Variants in NTNG1 observed in about 807,000 individuals in gnomAD.
NTNG1 encodes netrin-G1.
Under a neutral mutation model 54.0 loss-of-function variants are expected in NTNG1, and 16 were observed. That is an observed-to-expected ratio of 0.30 (90% CI 0.20 to 0.45). The LOEUF is 0.45. NTNG1 is among the 20% of genes least tolerant of loss of function. The probability of loss-of-function intolerance (pLI) is 1.00; values close to 1 mark genes in which losing one functional copy is unlikely to be tolerated. For synonymous variants in NTNG1, 255 were observed against 263.1 expected (o/e 0.97, Z 0.30); for missense variants, 530 against 678.7 (o/e 0.78, Z 2.43).
rs919258544 is a variant in NTNG1 at position 107,203,848 on chromosome 1, C to T, written c.246+55009C>T. The stretch of plus-strand genomic sequence containing the variant: ...TTTATGTATTTTAAAATATCTTTAT[C>T]TTTTTGCATTGCATTTTAGGTGAAT... On this transcript the variant is annotated intron_variant, in intron 2 of 7. Transcript: ENST00000370068. Among the ~76,000 whole-genome samples, 3 of 151,598 alleles carry T rather than the reference C, an allele frequency of 2.0e-5. No individual in the cohort carries two copies. The South Asian group carries it at 6.3e-4, about 32-fold the overall frequency.
chr1:107,294,481 C>T (rs182578961), intron 2 of NTNG1, among the ~76,000 whole-genome samples: 1 of 152,270 alleles, frequency 6.6e-6, no homozygotes, highest in East Asian at 1.9e-4. Flanking sequence ...AGCAAATTAC[C>T]TCCTTCCTTT....
intron 2 of NTNG1, among the ~76,000 whole-genome samples, chr1:107,288,960 C>T (rs936948570): frequency 6.6e-6 from 1 of 152,058 alleles, no homozygotes; most frequent in African/African-American, 2.4e-5. Context: ...ACACAAGAAA[C>T]CTCGCCTTAA....
intron 2 of NTNG1, among the ~76,000 whole-genome samples, chr1:107,295,410 T>A (rs1295251323): frequency 1.3e-5 from 2 of 152,186 alleles, no homozygotes; most frequent in Admixed American, 6.5e-5. Context: ...TCAAATAACC[T>A]TGCTGTTTGT....
chr1:107,419,154 T>C (rs1410661335), intron 5 of NTNG1, among the ~76,000 whole-genome samples: 1 of 151,738 alleles, frequency 6.6e-6, no homozygotes, highest in Non-Finnish European at 1.5e-5. Context: ...TCCTTTTTCC[T>C]GTCTTCCTCC....
rs373578785 is a variant in NTNG1 at position 107,459,533 on chromosome 1, G to GA, written c.1391-21069dup. Among the ~76,000 whole-genome samples, 393 of 150,596 alleles carry GA rather than the reference G, an allele frequency of 2.6e-3. 3 individuals are homozygous for GA. Among genetic ancestry groups the GA allele is most frequent in the East Asian group, 0.019 (97 of 5,148 alleles). ...GGTAAAAAATAAAAAGTTGCCAAAA[G>GA]AAAAAAAAATGTATTTTCAATTCAA... is the stretch of plus-strand genomic sequence containing the variant. On this transcript the variant is annotated intron_variant, in intron 7 of 7. Transcript: ENST00000370068.
chr1:107,459,954 C>G (rs1294804982), intron 7 of NTNG1, among the ~76,000 whole-genome samples: 1 of 152,156 alleles, frequency 6.6e-6, no homozygotes, highest in African/African-American at 2.4e-5. Context: ...TCAGGGAGAG[C>G]AAATGAACTT....
chr1:107,282,405 T>C lies in NTNG1; in HGVS notation c.247-41877T>C, dbSNP rs190673490. Among the ~76,000 whole-genome samples the C allele has an allele frequency of 5.3e-5, 8 of 152,248 alleles. No individual in the cohort carries two copies. In the East Asian group the frequency reaches 1.5e-3, roughly 29 times the overall value. On this transcript the variant is annotated intron_variant, in intron 2 of 7. Coordinates refer to ENST00000370068, the MANE Select transcript of NTNG1 (RefSeq NM_001113226.3). ...TTGCTAGTGAGGTGGGTAGTGAATT[T>C]ACTATATCAATATTTGTCTGCTATC...
chr1:107,473,014 C>A (rs1678081813), intron 7 of NTNG1, among the ~76,000 whole-genome samples: 1 of 152,090 alleles, frequency 6.6e-6, no homozygotes, highest in East Asian at 1.9e-4. Flanking sequence ...TTGTTATTAG[C>A]CTGTTTGGTG....
At chr1:107,245,594 A>G (rs180997872) in intron 2 of NTNG1, among the ~76,000 whole-genome samples, 1 of 152,304 alleles carries the variant, frequency 6.6e-6, no homozygotes, top group African/African-American at 2.4e-5. Context: ...TTTGTAATCA[A>G]TACTGTTTTC....
chr1:107,396,172 C>G (rs905293377), intron 4 of NTNG1, among the ~76,000 whole-genome samples: 10 of 152,106 alleles, frequency 6.6e-5, no homozygotes, highest in African/African-American at 2.4e-4. Flanking sequence ...TAGAATGTCC[C>G]CATTCAGTGA....
At chr1:107,239,601 C>G (rs1196807360) in intron 2 of NTNG1, among the ~76,000 whole-genome samples, 1 of 152,154 alleles carries the variant, frequency 6.6e-6, no homozygotes, top group Non-Finnish European at 1.5e-5. Context: ...GACCAAAATC[C>G]AAACATTGAG....
intron 2 of NTNG1, among the ~76,000 whole-genome samples, chr1:107,207,241 C>T (rs1219749814): frequency 6.6e-6 from 1 of 152,176 alleles, no homozygotes; most frequent in African/African-American, 2.4e-5. Context: ...TGAGGAAACA[C>T]TCTTCCTGGC....
chr1:107,210,297 A>C (rs535983715), intron 2 of NTNG1, among the ~76,000 whole-genome samples: 1 of 152,316 alleles, frequency 6.6e-6, no homozygotes, highest in Admixed American at 6.5e-5. Context: ...TGGAACAAAA[A>C]CAAAGCAAGG....
chr1:107,141,551 G>T (rs907289252), intron 1 of NTNG1: 14 of 147,614 alleles, frequency 9.5e-5, no homozygotes, highest in African/African-American at 3.2e-4. Context: ...GCCGCCCCCC[G>T]CCCCACCCGC....
intron 7 of NTNG1, among the ~76,000 whole-genome samples, chr1:107,454,596 G>A (rs1391951059): frequency 6.6e-6 from 1 of 150,812 alleles, no homozygotes; most frequent in East Asian, 1.9e-4. Context: ...CAAAAATTTA[G>A]ATAAATAAAC....
intron 5 of NTNG1, among the ~76,000 whole-genome samples, chr1:107,428,497 T>TC (rs2101306718): frequency 6.6e-6 from 1 of 152,244 alleles, no homozygotes; most frequent in South Asian, 2.1e-4. Context: ...CAAAGCTCTA[T>TC]TAATTAAATT....
chr1:107,373,894 G>A (rs550909966), intron 3 of NTNG1, among the ~76,000 whole-genome samples: 1 of 151,860 alleles, frequency 6.6e-6, no homozygotes, highest in Admixed American at 6.6e-5. Context: ...TAAAGACAGG[G>A]TCTTGCTTTT....
chr1:107,389,393 G>C (rs866230532), intron 3 of NTNG1, among the ~76,000 whole-genome samples: 1 of 151,918 alleles, frequency 6.6e-6, no homozygotes, highest in Non-Finnish European at 1.5e-5. Flanking sequence ...CAGATAACAG[G>C]CTTCCCAGAA....
chr1:107,385,373 G>C (rs1671898758), intron 3 of NTNG1, among the ~76,000 whole-genome samples: 1 of 152,068 alleles, frequency 6.6e-6, no homozygotes, highest in South Asian at 2.1e-4. Flanking sequence ...TGTGGTCCTG[G>C]TCTCTGCCAT....
Sources: allele counts gnomAD v4.1 joint callset (sites outside exome capture counted in the v4.1 genomes callset), GRCh38; gene constraint gnomAD v4.1.1; transcripts MANE v1.5; gene names NCBI Gene and HGNC (gene_info 2026-07-23, HGNC 2026-07-21).